Variants in IRF2BP1 observed in about 807,000 individuals in gnomAD.
The protein encoded by IRF2BP1 is interferon regulatory factor 2-binding protein 1.
In IRF2BP1, 9 loss-of-function variants were observed where a neutral mutation model predicts 38.6. That is an observed-to-expected ratio of 0.23 (90% CI 0.14 to 0.41). IRF2BP1 has a LOEUF of 0.41. Among genes scored for constraint, IRF2BP1 ranks in the 10% least tolerant of loss-of-function variants. The pLI is 1.00. For synonymous variants in IRF2BP1, 416 were observed against 383.4 expected (o/e 1.08, Z -0.99); for missense variants, 631 against 829.6 (o/e 0.76, Z 2.94).
In IRF2BP1 at chr19:45,885,418, G is replaced by A; in HGVS notation, c.357C>T (p.Gly119=). 5 of 1,579,522 alleles carry A rather than the reference G, an allele frequency of 3.2e-6. No individual in the cohort carries two copies. The highest frequency in any genetic ancestry group is 4.3e-6 in the Non-Finnish European group (5 of 1,163,856). ...GGGCGGGCGAGGGCAGGGGGAGGCG[G>A]CCTGATGATGTGGCCCTGTCATAGC... ...QDRYDRATSS[G]RLPLPSPALE... is the part of the protein sequence containing the mutation. Residue 119 remains glycine (G), a synonymous_variant, in exon 1 of 1, where the codon GGC becomes GGT. Transcript: ENST00000302165.
chr19:45,885,631 G>GAGC lies in IRF2BP1; in HGVS notation c.141_143dup (p.Leu48dup). On this transcript the variant is annotated inframe_insertion, in exon 1 of 1. Transcript: ENST00000302165. Reference sequence around the variant, plus strand: ...GCTTGAGCTGGCGGGCGGCATCGATGAGCAGTTCGATGCGGTCCGCGCCCT... The same window carrying GAGC: ...GCTTGAGCTGGCGGGCGGCATCGATGAGCAGCAGTTCGATGCGGTCCGCGCCCT... The GAGC allele has an allele frequency of 6.4e-7, 1 of 1,558,398 alleles. No individual in the cohort carries two copies. The highest frequency in any genetic ancestry group is 8.6e-7 in the Non-Finnish European group (1 of 1,163,604).
chr19:45,886,103 G>A lies in IRF2BP1; in HGVS notation c.-329C>T, dbSNP rs1026707869. ...GGCTCCCGCCGCTCTCGCCGCCGCC[G>A]CTGCAACGGCCGCCGCCGCCTCCAC... On this transcript the variant is annotated 5_prime_UTR_variant, in exon 1 of 1. Coordinates refer to ENST00000302165, the MANE Select transcript of IRF2BP1 (RefSeq NM_015649.3). 10 of 208,908 alleles carry A rather than the reference G, an allele frequency of 4.8e-5. No homozygotes were observed. The highest frequency in any genetic ancestry group is 3.6e-4 in the Admixed American group (6 of 16,884). 12.9% of individuals were successfully genotyped at this position (208,908 alleles called of 1,614,324 possible). A position where few individuals can be genotyped will look rare whatever the true frequency, so the allele number is the denominator to read the frequency against.
At position 45,885,219 on chromosome 19, in the gene IRF2BP1, T is replaced by C. The variant is rs1967039040; in HGVS notation, c.556A>G (p.Ser186Gly). Residue 186 changes from serine to glycine, a missense_variant, in exon 1 of 1, where the codon AGT (serine) becomes GGT (glycine). By Grantham distance (56) the Ser-to-Gly change is moderately conservative (BLOSUM62 0). This residue lies in a region of IRF2BP1 where 206 missense variants were observed against 207.0 expected (regional missense o/e 1.00). Transcript: ENST00000302165. ...GAGCCGAAGAGGGGACGGGCAGGAC[T>C]CAAGCCGGGTGCCAGCGTCAGGCCT... is the stretch of plus-strand genomic sequence containing the variant. ...SRGLTLAPGL[S>G]PARPLFGSDF... 2 of 1,605,694 alleles carry C rather than the reference T, an allele frequency of 1.2e-6. No homozygotes were observed. The highest frequency in any genetic ancestry group is 1.7e-6 in the Non-Finnish European group (2 of 1,179,970).
Position 45,885,523 on chromosome 19 carries a change from G to T in IRF2BP1, c.252C>A (p.Ala84=). ...HPATKDLAAA[A]AQGPQLPPPQ... ...GGGGCGGCAGCTGGGGCCCCTGTGC[G>T]GCTGCCGCCGCCAGGTCCTTGGTGG... is the stretch of plus-strand genomic sequence containing the variant. The change falls in exon 1 of 1, where the codon GCC becomes GCA. Residue 84 remains alanine (A), a synonymous_variant. Transcript: ENST00000302165. 1 of 1,419,620 alleles carries T rather than the reference G, an allele frequency of 7.0e-7. No individual in the cohort carries two copies. Among genetic ancestry groups the T allele is most frequent in the East Asian group, 2.7e-5 (1 of 36,424 alleles). 87.9% of individuals were successfully genotyped at this position (1,419,620 alleles called of 1,614,324 possible). A position where few individuals can be genotyped will look rare whatever the true frequency, so the allele number is the denominator to read the frequency against.
Position 45,886,117 on chromosome 19 carries a change from C to G in IRF2BP1, c.-343G>C, listed in dbSNP as rs1967053701. The G allele has an allele frequency of 5.0e-6, 1 of 199,176 alleles. No homozygotes were observed. Among genetic ancestry groups the G allele is most frequent in the Admixed American group, 6.0e-5 (1 of 16,588 alleles). The allele number at this position is 199,176 out of a possible 1,614,324, so 12.3% of individuals were successfully genotyped here. A position where few individuals can be genotyped will look rare whatever the true frequency, so the allele number is the denominator to read the frequency against. On this transcript the variant is annotated 5_prime_UTR_variant, in exon 1 of 1. Transcript: ENST00000302165. ...TCGCCGCCGCCGCTGCAACGGCCGCCGCCGCCTCCACCTCCTTCTTCTGCC... is the reference window on the plus strand; with the variant it reads ...TCGCCGCCGCCGCTGCAACGGCCGCGGCCGCCTCCACCTCCTTCTTCTGCC...
Position 45,884,177 on chromosome 19 carries a change from T to A in IRF2BP1, c.1598A>T (p.Glu533Val), listed in dbSNP as rs199708290. The A allele has an allele frequency of 3.7e-6, 6 of 1,612,782 alleles. No homozygotes were observed. The African/African-American group carries it at 8.0e-5, about 22-fold the overall frequency. Residue 533 changes from glutamate (E) to valine (V), a missense_variant, in exon 1 of 1, where the codon GAG (glutamate) becomes GTG (valine). This residue lies in a region of IRF2BP1 where 58 missense variants were observed against 108.4 expected (regional missense o/e 0.54). Transcript: ENST00000302165. ...GGCCGGGCCCTGCGCCTTGATGAACTCCCGGGAGCAGGGAAAGCAGAACTT... is the reference window on the plus strand; with the variant it reads ...GGCCGGGCCCTGCGCCTTGATGAACACCCGGGAGCAGGGAAAGCAGAACTT... ...GHKFCFPCSR[E>V]FIKAQGPAGE...
Position 45,884,915 on chromosome 19 carries a change from G to C in IRF2BP1, c.860C>G (p.Ala287Gly). 1 of 1,613,330 alleles carries C rather than the reference G, an allele frequency of 6.2e-7. No individual in the cohort carries two copies. Among genetic ancestry groups the C allele is most frequent in the Non-Finnish European group, 8.5e-7 (1 of 1,180,044 alleles). ...EYPCGSGNVY[A>G]GVLAVARQMF... Reference sequence around the variant, plus strand: ...CTGGCGAGCCACTGCCAGGACGCCGGCGTACACATTGCCGGAACCACAGGG... The same window carrying C: ...CTGGCGAGCCACTGCCAGGACGCCGCCGTACACATTGCCGGAACCACAGGG... Residue 287 changes from alanine to glycine, a missense_variant, in exon 1 of 1, where the codon GCC becomes GGC. Physicochemically the swap from Ala to Gly is moderately conservative, Grantham distance 60 (BLOSUM62 0). Coordinates refer to ENST00000302165, the MANE Select transcript of IRF2BP1 (RefSeq NM_015649.3).
chr19:45,885,796 C>T lies in IRF2BP1; in HGVS notation c.-22G>A, dbSNP rs1967048152. ...CCATGGCCCCAGTCCGCGCGCCGCC[C>T]AGCTCCCGCGTTCCACCGGCCGCCG... On this transcript the variant is annotated 5_prime_UTR_variant, in exon 1 of 1. Transcript: ENST00000302165. The T allele has an allele frequency of 1.3e-6, 2 of 1,515,980 alleles. No individual in the cohort carries two copies. The highest frequency in any genetic ancestry group is 1.4e-5 in the African/African-American group (1 of 69,470). 93.9% of individuals were successfully genotyped at this position (1,515,980 alleles called of 1,614,324 possible).
At position 45,883,994 on chromosome 19, in the gene IRF2BP1, G is replaced by T; in HGVS notation, c.*26C>A. The T allele has an allele frequency of 6.5e-7, 1 of 1,532,286 alleles. No homozygotes were observed. The highest frequency in any genetic ancestry group is 8.8e-7 in the Non-Finnish European group (1 of 1,135,462). The allele number at this position is 1,532,286 out of a possible 1,614,324, so 94.9% of individuals were successfully genotyped here. Reference sequence around the variant, plus strand: ...AGCGGTGGGTGGCAAAGGGGCAGAGGGCAGTAGCCTGGAGGCAGTGGTAGC... The same window carrying T: ...AGCGGTGGGTGGCAAAGGGGCAGAGTGCAGTAGCCTGGAGGCAGTGGTAGC... On this transcript the variant is annotated 3_prime_UTR_variant, in exon 1 of 1. Coordinates refer to ENST00000302165, the MANE Select transcript of IRF2BP1 (RefSeq NM_015649.3).
rs1211786952 is a variant in IRF2BP1, at chr19:45,885,617, C to A, written c.158G>T (p.Arg53Leu). 1.3e-6 allele frequency: 2 copies of A among 1,541,436 alleles called. No homozygotes were observed. Among genetic ancestry groups the A allele is most frequent in the Admixed American group, 1.9e-5 (1 of 52,094 alleles). The part of the protein sequence containing the change: ...DRIELLIDAA[R>L]QLKRSHVLPE... ...GAGCACGTGGCTGCGCTTGAGCTGG[C>A]GGGCGGCATCGATGAGCAGTTCGAT... The change falls in exon 1 of 1, where the codon CGC becomes CTC. Residue 53 changes from arginine to leucine, a missense_variant. This residue lies in a region of IRF2BP1 where 206 missense variants were observed against 207.0 expected (regional missense o/e 1.00). Coordinates refer to ENST00000302165, the MANE Select transcript of IRF2BP1 (RefSeq NM_015649.3).
Position 45,884,539 on chromosome 19 carries a change from G to A in IRF2BP1, c.1236C>T (p.Tyr412=). The change falls in exon 1 of 1, where the codon TAC becomes TAT. Residue 412 remains tyrosine (Y), a synonymous_variant. Coordinates refer to ENST00000302165, the MANE Select transcript of IRF2BP1 (RefSeq NM_015649.3). Reference sequence around the variant, plus strand: ...AGGGCACACCAGGGGTCTCAGCGGAGTACGGGCCGCCGGGTGCCACCCAGT... The same window carrying A: ...AGGGCACACCAGGGGTCTCAGCGGAATACGGGCCGCCGGGTGCCACCCAGT... The part of the protein sequence containing the change: ...QRHWVAPGGP[Y]SAETPGVPSP... The A allele has an allele frequency of 6.3e-7, 1 of 1,599,918 alleles. No homozygotes were observed. The highest frequency in any genetic ancestry group is 8.5e-7 in the Non-Finnish European group (1 of 1,179,508).
In IRF2BP1 at chr19:45,885,996, G is replaced by A. The variant is rs916058863; in HGVS notation, c.-222C>T. 8.5e-5 allele frequency: 42 copies of A among 491,330 alleles called. No homozygotes were observed. The highest frequency in any genetic ancestry group is 1.3e-4 in the Non-Finnish European group (38 of 296,450). 30.4% of individuals were successfully genotyped at this position (491,330 alleles called of 1,614,324 possible). On this transcript the variant is annotated 5_prime_UTR_variant, in exon 1 of 1. The change creates a new upstream start codon in the 5' untranslated region. Transcript: ENST00000302165. ...CCCTCGCGAAGGCAGGCTGAGGCAC[G>A]TCGGCGCCCCCGCCCGGTCCGGGCT...
chr19:45,883,740 G>A lies in IRF2BP1; in HGVS notation c.*280C>T, dbSNP rs762668819. ...GAGGTCCCTTCTCAAGGAGGAGGGGGGCACCTCTCCCCCAACTACAAGCAG... is the reference window on the plus strand; with the variant it reads ...GAGGTCCCTTCTCAAGGAGGAGGGGAGCACCTCTCCCCCAACTACAAGCAG... On this transcript the variant is annotated 3_prime_UTR_variant, in exon 1 of 1. Coordinates refer to ENST00000302165, the MANE Select transcript of IRF2BP1 (RefSeq NM_015649.3). 1.4e-4 allele frequency: 53 copies of A among 369,164 alleles called. No homozygotes were observed. In the Admixed American group the frequency reaches 1.5e-3, roughly 10 times the overall value. 22.9% of individuals were successfully genotyped at this position (369,164 alleles called of 1,614,324 possible). A position where few individuals can be genotyped will look rare whatever the true frequency, so the allele number is the denominator to read the frequency against.
rs1967025282 is a variant in IRF2BP1 at position 45,884,253 on chromosome 19, C to G, written c.1522G>C (p.Glu508Gln). The part of the protein sequence containing the change: ...GAPLCCTLCR[E>Q]RLEDTHFVQC... Reference sequence around the variant, plus strand: ...ACGAAGTGGGTGTCTTCTAGCCGCTCCCTGCACAGGGTACAGCACAGGGGG... The same window carrying G: ...ACGAAGTGGGTGTCTTCTAGCCGCTGCCTGCACAGGGTACAGCACAGGGGG... Residue 508 changes from glutamate (E) to glutamine (Q), a missense_variant, in exon 1 of 1, where the codon GAG becomes CAG. Physicochemically the swap from Glu to Gln is conservative, Grantham distance 29 (BLOSUM62 2). Around this residue, in one of 5 missense-constraint regions of IRF2BP1, gnomAD observed 58 missense variants for 108.4 expected, o/e 0.54. Transcript: ENST00000302165. The G allele has an allele frequency of 6.2e-7, 1 of 1,609,448 alleles. No homozygotes were observed. The highest frequency in any genetic ancestry group is 8.5e-7 in the Non-Finnish European group (1 of 1,177,992).
chr19:45,884,313 C>G lies in IRF2BP1; in HGVS notation c.1462G>C (p.Gly488Arg). 1 of 1,610,370 alleles carries G rather than the reference C, an allele frequency of 6.2e-7. No homozygotes were observed. The highest frequency in any genetic ancestry group is 8.5e-7 in the Non-Finnish European group (1 of 1,179,208). Residue 488 changes from glycine (G) to arginine (R), a missense_variant, in exon 1 of 1, where the codon GGG becomes CGG. Transcript: ENST00000302165. ...SPTAGAEAVS[G>R]GGSGTGATPG... is the part of the protein sequence containing the mutation. ...GTCGCCCCAGTGCCGCTGCCACCCC[C>G]GCTGACAGCTTCGGCCCCCGCTGTG...
chr19:45,883,906 G>A lies in IRF2BP1; in HGVS notation c.*114C>T. ...GGGGACCCATCTGGGTGGAAGAAGG[G>A]AGTATGTACACAGATAGAGGTGGCA... On this transcript the variant is annotated 3_prime_UTR_variant, in exon 1 of 1. Transcript: ENST00000302165. 1 of 1,013,228 alleles carries A rather than the reference G, an allele frequency of 9.9e-7. No individual in the cohort carries two copies. The highest frequency in any genetic ancestry group is 2.7e-5 in the East Asian group (1 of 36,896). The allele number at this position is 1,013,228 out of a possible 1,614,324, so 62.8% of individuals were successfully genotyped here.
At position 45,884,293 on chromosome 19, in the gene IRF2BP1, C is replaced by G; in HGVS notation, c.1482G>C (p.Gly494=). 6.2e-7 allele frequency: 1 copy of G among 1,610,248 alleles called. No homozygotes were observed. Among genetic ancestry groups the G allele is most frequent in the Non-Finnish European group, 8.5e-7 (1 of 1,178,988 alleles). The change falls in exon 1 of 1, where the codon GGG becomes GGC. Residue 494 remains glycine (G), a synonymous_variant. Coordinates refer to ENST00000302165, the MANE Select transcript of IRF2BP1 (RefSeq NM_015649.3). Reference sequence around the variant, plus strand: ...AGCACAGGGGGGCCCCAGGGGTCGCCCCAGTGCCGCTGCCACCCCCGCTGA... The same window carrying G: ...AGCACAGGGGGGCCCCAGGGGTCGCGCCAGTGCCGCTGCCACCCCCGCTGA... ...EAVSGGGSGT[G]ATPGAPLCCT... is the part of the protein sequence containing the mutation.
In IRF2BP1 at chr19:45,885,721, G is replaced by A; in HGVS notation, c.54C>T (p.Pro18=). 6.3e-7 allele frequency: 1 copy of A among 1,585,284 alleles called. No individual in the cohort carries two copies. Among genetic ancestry groups the A allele is most frequent in the Non-Finnish European group, 8.5e-7 (1 of 1,174,290 alleles). The stretch of plus-strand genomic sequence containing the variant: ...CCCACACCATGGCCCACGGCATCTT[G>A]GGCAGGTCGCACAGGTAGCACCACT... The part of the protein sequence containing the change: ...RRQWCYLCDL[P]KMPWAMVWDF... The change falls in exon 1 of 1, where the codon CCC becomes CCT. Residue 18 remains proline, a synonymous_variant. Coordinates refer to ENST00000302165, the MANE Select transcript of IRF2BP1 (RefSeq NM_015649.3).
At position 45,885,903 on chromosome 19, in the gene IRF2BP1, C is replaced by A. The variant is rs1967049883; in HGVS notation, c.-129G>T. The A allele has an allele frequency of 2.7e-6, 3 of 1,126,026 alleles. No individual in the cohort carries two copies. Among genetic ancestry groups the A allele is most frequent in the Non-Finnish European group, 3.5e-6 (3 of 851,728 alleles). 69.8% of individuals were successfully genotyped at this position (1,126,026 alleles called of 1,614,324 possible). On this transcript the variant is annotated 5_prime_UTR_variant, in exon 1 of 1. Transcript: ENST00000302165. ...GGTCCGGCCTCCGGCTCGGCCTCCC[C>A]GCCGGATCCAGGCCCGGCCCCCCTT...
Sources: allele counts gnomAD v4.1 joint callset, GRCh38; gene constraint gnomAD v4.1.1; regional missense constraint gnomAD v4.1.1; transcripts MANE v1.5; gene names NCBI Gene and HGNC (gene_info 2026-07-23, HGNC 2026-07-21).